Variants in EPB41L2 observed in about 807,000 individuals in gnomAD.
EPB41L2 encodes the protein band 4.1-like protein 2.
In EPB41L2, 43 loss-of-function variants were observed where a neutral mutation model predicts 113.0. That is an observed-to-expected ratio of 0.38 (90% CI 0.30 to 0.49). The LOEUF is 0.49. EPB41L2 is among the 20% of genes least tolerant of loss of function. The pLI, the probability that EPB41L2 is intolerant of heterozygous loss-of-function variation, is 0.95. For synonymous variants in EPB41L2, 442 were observed against 436.7 expected (o/e 1.01, Z -0.15); for missense variants, 1,147 against 1,223.4 (o/e 0.94, Z 0.93).
intron 1 of EPB41L2, among the ~76,000 whole-genome samples, chr6:131,025,745 C>T (rs1790721312): frequency 6.6e-6 from 1 of 152,112 alleles, no homozygotes; most frequent in Admixed American, 6.6e-5. Flanking sequence ...TACTCCAAAC[C>T]CCCTAAAGTA....
At chr6:131,007,213 C>T (rs569575816) in intron 1 of EPB41L2, among the ~76,000 whole-genome samples, 9 of 152,240 alleles carry the variant, frequency 5.9e-5, no homozygotes, top group African/African-American at 1.7e-4. Context: ...GCAGTTTCCC[C>T]GATTCTGTTC....
At chr6:130,862,561 C>A (rs76888707) in intron 18 of EPB41L2, among the ~76,000 whole-genome samples, 2,541 of 152,262 alleles carry the variant, frequency 0.017, 85 homozygotes, top group African/African-American at 0.058. Flanking sequence ...GGTAAGCAGA[C>A]AAGTGTACTA....
intron 1 of EPB41L2, among the ~76,000 whole-genome samples, chr6:131,010,468 A>C (rs1243590197): frequency 6.6e-6 from 1 of 150,894 alleles, no homozygotes; most frequent in East Asian, 1.9e-4. Flanking sequence ...GCTGGAGTAC[A>C]GTGGTGCAAT....
intron 1 of EPB41L2, among the ~76,000 whole-genome samples, chr6:131,009,841 T>C (rs1388225349): frequency 6.6e-6 from 1 of 152,192 alleles, no homozygotes; most frequent in Non-Finnish European, 1.5e-5. Flanking sequence ...CTCTCTTAAT[T>C]CTCTTACCAA....
At chr6:131,062,454 G>A (rs562336683) in intron 1 of EPB41L2, 1 of 152,004 alleles carries the variant, frequency 6.6e-6, no homozygotes, top group South Asian at 2.1e-4. Flanking sequence ...AGATGGCCTG[G>A]GTGTGGGAAT....
chr6:130,995,671 A>C (rs1782920976), intron 1 of EPB41L2, among the ~76,000 whole-genome samples: 1 of 152,220 alleles, frequency 6.6e-6, no homozygotes, highest in South Asian at 2.1e-4. Flanking sequence ...TTCATAGTAC[A>C]TAGTATATAT....
chr6:130,973,267 CAAAACTTTTTTTTTTTT>C (rs1414297043), intron 1 of EPB41L2, among the ~76,000 whole-genome samples: 1 of 69,632 alleles, frequency 1.4e-5, no homozygotes, highest in African/African-American at 8.6e-5. Context: ...TGGGCAGACA[CAAAACTTTTTTTTTTTT>C]TAAGTCATTC....
intron 10 of EPB41L2, among the ~76,000 whole-genome samples, chr6:130,893,107 A>G (rs1447415699): frequency 1.3e-5 from 2 of 152,236 alleles, no homozygotes; most frequent in Non-Finnish European, 2.9e-5. Context: ...GATACAAGCT[A>G]AAGATGGTTA....
intron 16 of EPB41L2, 100 bp from the exon 17 acceptor site, chr6:130,865,734 T>C (rs1783541845): frequency 3.2e-6 from 4 of 1,261,646 alleles, no homozygotes; most frequent in African/African-American, 1.5e-5. Context: ...TTAAAATCCA[T>C]GTGGTTTGCG....
chr6:130,870,237 A>G (rs1349371289), intron 14 of EPB41L2, 111 bp from the exon 15 acceptor site: 5 of 1,529,936 alleles, frequency 3.3e-6, no homozygotes, highest in Non-Finnish European at 4.4e-6. Flanking sequence ...AACAAAGATG[A>G]TTATGATGGC....
At chr6:131,038,510 A>G in intron 1 of EPB41L2, among the ~76,000 whole-genome samples, 1 of 152,246 alleles carries the variant, frequency 6.6e-6, no homozygotes, top group East Asian at 1.9e-4. Context: ...TTCTTTAAAA[A>G]TAAGTAATGG....
intron 12 of EPB41L2, among the ~76,000 whole-genome samples, chr6:130,884,486 C>G (rs12333167): frequency 0.025 from 3,804 of 152,250 alleles, 188 homozygotes; most frequent in African/African-American, 0.087. Flanking sequence ...AAAGGCTTCT[C>G]AAATCAATAT....
intron 19 of EPB41L2, among the ~76,000 whole-genome samples, chr6:130,855,915 G>T (rs1397560794): frequency 1.3e-5 from 2 of 152,130 alleles, no homozygotes; most frequent in African/African-American, 4.8e-5. Context: ...TGCATACCAT[G>T]TATCAAGACC....
chr6:130,885,748 CA>C (rs1422682002), intron 11 of EPB41L2, among the ~76,000 whole-genome samples: 1 of 151,920 alleles, frequency 6.6e-6, no homozygotes, highest in Admixed American at 6.6e-5. Flanking sequence ...GAATACCCTT[CA>C]AAAGAAAAAA....
At chr6:130,926,098 C>T (rs1291622785) in intron 4 of EPB41L2, among the ~76,000 whole-genome samples, 2 of 152,180 alleles carry the variant, frequency 1.3e-5, no homozygotes, top group African/African-American at 4.8e-5. Flanking sequence ...AGAGTAATCC[C>T]TTTCACTGTG....
At chr6:130,952,802 T>C (rs918110758) in intron 3 of EPB41L2, among the ~76,000 whole-genome samples, 14 of 143,536 alleles carry the variant, frequency 9.8e-5, no homozygotes, top group Admixed American at 4.9e-4. Flanking sequence ...AGAGCAAGAC[T>C]CCATCTCAAA....
intron 4 of EPB41L2, among the ~76,000 whole-genome samples, chr6:130,914,477 A>C (rs188968817): frequency 6.6e-6 from 1 of 152,338 alleles, no homozygotes; most frequent in Admixed American, 6.5e-5. Context: ...GACTAGTCTA[A>C]GAGCTTCTAT....
intron 1 of EPB41L2, among the ~76,000 whole-genome samples, chr6:130,971,234 G>A (rs1276062433): frequency 6.6e-6 from 1 of 152,134 alleles, no homozygotes; most frequent in Non-Finnish European, 1.5e-5. Flanking sequence ...ATGCACTGTG[G>A]CCATAACTTT....
At position 131,029,167 on chromosome 6, in the gene EPB41L2, C is replaced by A. The variant is rs143665038; in HGVS notation, c.-15+33988G>T. On this transcript the variant is annotated intron_variant, in intron 1 of 19. Transcript: ENST00000337057. ...AAAAATCTTGAATATTTCATATTTG[C>A]ATGGGTATTTTCCTCCCTAACATCT... Among the ~76,000 whole-genome samples, 763 of 152,158 alleles carry A rather than the reference C, an allele frequency of 5.0e-3. 5 individuals are homozygous for A. The highest frequency in any genetic ancestry group is 0.017 in the African/African-American group (724 of 41,504).
Sources: allele counts gnomAD v4.1 joint callset (sites outside exome capture counted in the v4.1 genomes callset), GRCh38; gene constraint gnomAD v4.1.1; transcripts MANE v1.5; gene names NCBI Gene and HGNC (gene_info 2026-07-23, HGNC 2026-07-21).